NLGN1: variants seen among roughly 807,000 people sequenced by gnomAD.
The protein encoded by NLGN1 is neuroligin-1.
Under a neutral mutation model 65.5 loss-of-function variants are expected in NLGN1, and 12 were observed. The ratio of observed to expected loss-of-function variants is 0.18; its 90% CI spans 0.12 to 0.30. The LOEUF (loss-of-function observed/expected upper bound fraction) is 0.30, where lower values mean the gene tolerates loss of function less well. Among genes scored for constraint, NLGN1 ranks in the 10% least tolerant of loss-of-function variants. The pLI is 1.00. For synonymous variants in NLGN1, 350 were observed against 359.5 expected (o/e 0.97, Z 0.30); for missense variants, 750 against 1,007.1 (o/e 0.74, Z 3.46).
intron 2 of NLGN1, among the ~76,000 whole-genome samples, chr3:173,525,198 G>A (rs1201845927): frequency 6.6e-6 from 1 of 151,886 alleles, no homozygotes; most frequent in Non-Finnish European, 1.5e-5. Context: ...GGTAGAGTTT[G>A]GCTGTGAATC....
At chr3:173,632,484 C>CT (rs1457098526) in intron 3 of NLGN1, among the ~76,000 whole-genome samples, 1 of 152,094 alleles carries the variant, frequency 6.6e-6, no homozygotes, top group East Asian at 1.9e-4. Flanking sequence ...TGAAGCAATG[C>CT]TTGTGTTGTT....
intron 4 of NLGN1, among the ~76,000 whole-genome samples, chr3:174,250,657 A>C (rs532184245): frequency 7.2e-5 from 11 of 152,178 alleles, no homozygotes; most frequent in African/African-American, 2.7e-4. Context: ...GAAGGAGGTC[A>C]TATTAGTGAA....
At chr3:174,183,241 C>T (rs1003154985) in intron 4 of NLGN1, among the ~76,000 whole-genome samples, 1 of 152,156 alleles carries the variant, frequency 6.6e-6, no homozygotes, top group Non-Finnish European at 1.5e-5. Context: ...CCTGCCTTCT[C>T]CTGCCAGGCA....
intron 4 of NLGN1, among the ~76,000 whole-genome samples, chr3:174,185,855 T>C (rs536299486): frequency 5.3e-4 from 80 of 152,138 alleles, no homozygotes; most frequent in Middle Eastern, 3.4e-3. Context: ...ATACTCTATC[T>C]TCTTTATATG....
chr3:173,989,879 A>G (rs1382706181), intron 4 of NLGN1, among the ~76,000 whole-genome samples: 1 of 151,828 alleles, frequency 6.6e-6, no homozygotes, highest in East Asian at 1.9e-4. Context: ...ATCTCAGAGC[A>G]CTCTCTTATC....
intron 4 of NLGN1, among the ~76,000 whole-genome samples, chr3:174,178,197 G>T (rs1314075130): frequency 6.6e-6 from 1 of 152,050 alleles, no homozygotes; most frequent in Non-Finnish European, 1.5e-5. Flanking sequence ...TTTTTCTCTT[G>T]ATTTATTCAG....
At chr3:173,704,434 G>A (rs193200673) in intron 3 of NLGN1, among the ~76,000 whole-genome samples, 1 of 152,116 alleles carries the variant, frequency 6.6e-6, no homozygotes, top group East Asian at 1.9e-4. Flanking sequence ...GCTCAGTGAG[G>A]TAAATAATAG....
intron 2 of NLGN1, among the ~76,000 whole-genome samples, chr3:173,477,124 C>A (rs1255746349): frequency 6.6e-6 from 1 of 152,036 alleles, no homozygotes; most frequent in Non-Finnish European, 1.5e-5. Flanking sequence ...GAGATCTGGA[C>A]TAGAAATGGG....
At chr3:173,429,870 CT>C (rs1716879132) in intron 1 of NLGN1, among the ~76,000 whole-genome samples, 1 of 152,164 alleles carries the variant, frequency 6.6e-6, no homozygotes, top group South Asian at 2.1e-4. Flanking sequence ...AGTACCTCCC[CT>C]AAAGCATGTT....
At chr3:174,076,411 C>T (rs1459531140) in intron 4 of NLGN1, among the ~76,000 whole-genome samples, 2 of 152,070 alleles carry the variant, frequency 1.3e-5, no homozygotes, top group Admixed American at 6.6e-5. Context: ...TCACTCCATT[C>T]AAACCTCAGT....
intron 3 of NLGN1, among the ~76,000 whole-genome samples, chr3:173,682,736 A>C (rs1356756903): frequency 6.6e-6 from 1 of 152,180 alleles, no homozygotes; most frequent in African/African-American, 2.4e-5. Flanking sequence ...GACCTTGAGC[A>C]GTAGGATATA....
chr3:173,468,331 T>C (rs1405478250), intron 2 of NLGN1, among the ~76,000 whole-genome samples: 1 of 152,124 alleles, frequency 6.6e-6, no homozygotes, highest in East Asian at 1.9e-4. Context: ...GTTATCCTAA[T>C]TTTCAAACCT....
rs139402855 is a variant in NLGN1 at position 174,228,700 on chromosome 3, G to A, written c.647-46615G>A. On this transcript the variant is annotated intron_variant, in intron 4 of 6. Coordinates refer to ENST00000457714, the Ensembl canonical transcript of NLGN1. ...TTTATTTCAAACTACAGCAATAAAT[G>A]TGCCCTTCCTTTTCATAACTCTTCT... Among the ~76,000 whole-genome samples the A allele has an allele frequency of 3.0e-3, 454 of 150,304 alleles. 1 individual carries two copies. The highest frequency in any genetic ancestry group is 0.011 in the African/African-American group (431 of 39,842).
intron 2 of NLGN1, among the ~76,000 whole-genome samples, chr3:173,582,540 A>G (rs1165672871): frequency 6.6e-6 from 1 of 152,006 alleles, no homozygotes; most frequent in African/African-American, 2.4e-5. Context: ...GCATTTCTCT[A>G]ATAACTAGGG....
intron 3 of NLGN1, among the ~76,000 whole-genome samples, chr3:173,706,826 C>T (rs1034991320): frequency 2.6e-5 from 4 of 152,238 alleles, no homozygotes; most frequent in African/African-American, 9.6e-5. Context: ...CACGCCCACG[C>T]GTGCACGCAC....
chr3:173,650,258 A>G (rs1168414694), intron 3 of NLGN1, among the ~76,000 whole-genome samples: 1 of 152,172 alleles, frequency 6.6e-6, no homozygotes, highest in Non-Finnish European at 1.5e-5. Context: ...TATGGATGGC[A>G]TCCTATGACA....
intron 3 of NLGN1, among the ~76,000 whole-genome samples, chr3:173,765,115 C>G (rs1286955392): frequency 6.9e-6 from 1 of 144,542 alleles, no homozygotes. Context: ...TGCACACATA[C>G]ATTTGTATGG....
intron 3 of NLGN1, among the ~76,000 whole-genome samples, chr3:173,737,892 A>G (rs1257897381): frequency 6.6e-6 from 1 of 151,962 alleles, no homozygotes. Context: ...GAGGATTCCA[A>G]CTTCTCTGCA....
intron 4 of NLGN1, chr3:173,915,046 T>G (rs1406326908): frequency 2.0e-5 from 3 of 152,182 alleles, no homozygotes; most frequent in African/African-American, 7.2e-5. Context: ...CATTTACACC[T>G]TCAGTTAGAC....
Sources: gnomAD v4.1 joint callset for allele counts (sites outside exome capture counted in the v4.1 genomes callset) on GRCh38, gnomAD v4.1.1 for gene constraint, MANE v1.5 for transcripts, NCBI Gene and HGNC (gene_info 2026-07-23, HGNC 2026-07-21) for gene names.